Variants in PIK3CB observed in about 807,000 individuals in gnomAD.
PIK3CB encodes the protein phosphatidylinositol 4,5-bisphosphate 3-kinase catalytic subunit beta isoform.
PIK3CB carries 39 observed loss-of-function variants against 136.8 expected under a neutral mutation model. The observed-to-expected ratio is 0.29, with a 90% CI of 0.22 to 0.37. PIK3CB has a LOEUF of 0.37. PIK3CB is among the 10% of genes least tolerant of loss of function. The pLI, the probability that PIK3CB is intolerant of heterozygous loss-of-function variation, is 1.00. For missense variants in PIK3CB, 868 were observed against 1,275.4 expected, an observed-to-expected ratio of 0.68 and a Z score of 4.87; for synonymous variants, 428 against 436.6, an observed-to-expected ratio of 0.98 and a Z score of 0.25.
intron 1 of PIK3CB, among the ~76,000 whole-genome samples, chr3:138,810,956 G>A (rs1045481359): frequency 3.3e-5 from 5 of 151,816 alleles, no homozygotes; most frequent in Non-Finnish European, 5.9e-5. Flanking sequence ...GGCCGGGCGC[G>A]GTGGCTCACA....
At chr3:138,820,132 G>T (rs369573652) in intron 1 of PIK3CB, among the ~76,000 whole-genome samples, 1 of 152,306 alleles carries the variant, frequency 6.6e-6, no homozygotes. Flanking sequence ...TTGCAAGACT[G>T]TTGCACACTT....
intron 14 of PIK3CB, among the ~76,000 whole-genome samples, chr3:138,693,332 C>T (rs1182332990): frequency 1.3e-5 from 2 of 151,442 alleles, no homozygotes; most frequent in Non-Finnish European, 2.9e-5. Flanking sequence ...CTGGGCTCAT[C>T]GATCTGCCTG....
chr3:138,739,850 G>A (rs1018391444), intron 5 of PIK3CB, among the ~76,000 whole-genome samples: 5 of 149,446 alleles, frequency 3.3e-5, no homozygotes, highest in African/African-American at 7.4e-5. Flanking sequence ...GCAGTGAGCC[G>A]AGATCGTGCC....
intron 13 of PIK3CB, among the ~76,000 whole-genome samples, chr3:138,698,213 G>T (rs759547700): frequency 2.0e-5 from 3 of 152,096 alleles, no homozygotes; most frequent in Non-Finnish European, 4.4e-5. Flanking sequence ...GAGATTCATT[G>T]AACTGAAATA....
intron 5 of PIK3CB, 138 bp downstream of exon 5, chr3:138,742,420 A>C (rs999586503): frequency 2.4e-5 from 14 of 582,648 alleles, no homozygotes; most frequent in Admixed American, 6.4e-5. Context: ...TCCTAAATAC[A>C]TTTCTATCTG....
intron 1 of PIK3CB, among the ~76,000 whole-genome samples, chr3:138,820,907 A>G (rs1933531311): frequency 6.6e-6 from 1 of 152,206 alleles, no homozygotes; most frequent in African/African-American, 2.4e-5. Context: ...GAATTTTGCC[A>G]TTATAAACAA....
chr3:138,747,666 T>G (rs1444819953), intron 4 of PIK3CB, among the ~76,000 whole-genome samples: 1 of 152,224 alleles, frequency 6.6e-6, no homozygotes, highest in Non-Finnish European at 1.5e-5. Context: ...GTGTATTTTA[T>G]GGTAGTAAAT....
chr3:138,660,541 G>A (rs1165425757), intron 21 of PIK3CB, among the ~76,000 whole-genome samples: 1 of 152,118 alleles, frequency 6.6e-6, no homozygotes, highest in African/African-American at 2.4e-5. Context: ...ATCCAGTAGA[G>A]AGTAGAATGG....
In PIK3CB at chr3:138,665,223, C is replaced by T; in HGVS notation, c.2505-20G>A. On this transcript the variant is annotated intron_variant, in intron 19 of 23. Transcript: ENST00000674063. ...AACATCCTGGAAGGAAAAAAATGGG[C>T]ATAGAGTCATATTTTCCTTAAAATG... is the stretch of plus-strand genomic sequence containing the variant. The T allele has an allele frequency of 1.3e-6, 2 of 1,525,396 alleles. No homozygotes were observed. The highest frequency in any genetic ancestry group is 1.3e-5 in the South Asian group (1 of 75,870). The allele number at this position is 1,525,396 out of a possible 1,614,324, so 94.5% of individuals were successfully genotyped here.
chr3:138,784,057 T>A lies in PIK3CB; in HGVS notation c.-17+12406A>T, dbSNP rs562196941. On this transcript the variant is annotated intron_variant, in intron 2 of 23. Coordinates refer to ENST00000674063, the MANE Select transcript of PIK3CB (RefSeq NM_006219.3). ...GATTTAACCTCTTCCAAAGGGAGTTTAGCATCAAAAATTGCATTACTAGGT... is the reference window on the plus strand; with the variant it reads ...GATTTAACCTCTTCCAAAGGGAGTTAAGCATCAAAAATTGCATTACTAGGT... Among the ~76,000 whole-genome samples the A allele has an allele frequency of 7.9e-5, 12 of 152,310 alleles. No individual in the cohort carries two copies. In the South Asian group the frequency reaches 2.3e-3, roughly 29 times the overall value.
intron 8 of PIK3CB, among the ~76,000 whole-genome samples, chr3:138,726,953 A>C (rs2044852364): frequency 6.6e-6 from 1 of 152,012 alleles, no homozygotes; most frequent in African/African-American, 2.4e-5. Context: ...CAGGAGTCTG[A>C]GGCAGGAGGG....
In PIK3CB at chr3:138,803,122, G is replaced by A. The variant is rs370384533; in HGVS notation, c.-121-6555C>T. ...GGAACAAGGAAAGCAGATTCTAAAGGGCATCTTAAACTGTAAACAAACACC... is the reference window on the plus strand; with the variant it reads ...GGAACAAGGAAAGCAGATTCTAAAGAGCATCTTAAACTGTAAACAAACACC... On this transcript the variant is annotated intron_variant, in intron 1 of 23. Transcript: ENST00000674063. 2.0e-5 allele frequency among the ~76,000 whole-genome samples: 3 copies of A among 152,076 alleles called. 1 individual carries two copies. The highest frequency in any genetic ancestry group is 1.9e-4 in the East Asian group (1 of 5,188).
intron 3 of PIK3CB, 24 bp downstream of exon 3, chr3:138,759,149 T>A (rs765620961): frequency 6.7e-7 from 1 of 1,491,408 alleles, no homozygotes; most frequent in Non-Finnish European, 9.2e-7. Context: ...GCTAAACACA[T>A]AGAAATTATA....
intron 1 of PIK3CB, among the ~76,000 whole-genome samples, chr3:138,811,953 A>T (rs1488454669): frequency 6.6e-6 from 1 of 152,086 alleles, no homozygotes; most frequent in Non-Finnish European, 1.5e-5. Context: ...AGCTGGGTGT[A>T]GTGGCACATG....
chr3:138,765,571 AG>A (rs1330188711), intron 2 of PIK3CB, among the ~76,000 whole-genome samples: 4 of 151,618 alleles, frequency 2.6e-5, no homozygotes, highest in African/African-American at 9.7e-5. Context: ...AGCCAGGTAT[AG>A]TGGCTCATGC....
At chr3:138,786,747 CAT>C (rs200208257) in intron 2 of PIK3CB, among the ~76,000 whole-genome samples, 1,691 of 152,296 alleles carry the variant, frequency 0.011, 13 homozygotes, top group Non-Finnish European at 0.015. Flanking sequence ...TATTTAATAA[CAT>C]GTGACTATTT....
At chr3:138,677,528 A>T (rs1179468656) in intron 19 of PIK3CB, among the ~76,000 whole-genome samples, 2 of 152,264 alleles carry the variant, frequency 1.3e-5, no homozygotes, top group Non-Finnish European at 2.9e-5. Flanking sequence ...ATTAGTTAAA[A>T]TATAAGTGGT....
rs1246611005 is a variant in PIK3CB, at chr3:138,834,706, TCCG to T, written c.-136_-134del. The T allele has an allele frequency of 2.7e-4, 41 of 153,100 alleles. No individual in the cohort carries two copies. The highest frequency in any genetic ancestry group is 6.0e-4 in the South Asian group (3 of 5,026). 9.5% of individuals were successfully genotyped at this position (153,100 alleles called of 1,614,324 possible). On this transcript the variant is annotated 5_prime_UTR_variant, in exon 1 of 24. Coordinates refer to ENST00000674063, the MANE Select transcript of PIK3CB (RefSeq NM_006219.3). Reference sequence around the variant, plus strand: ...GCCGCCGCACTCACCTGCCTGGCGTTCCGCCGCCGCCGCCTGCTACTATTCCAA... The same window carrying T: ...GCCGCCGCACTCACCTGCCTGGCGTTCCGCCGCCGCCTGCTACTATTCCAA...
intron 1 of PIK3CB, among the ~76,000 whole-genome samples, chr3:138,803,915 T>A (rs1351334678): frequency 6.6e-6 from 1 of 152,156 alleles, no homozygotes; most frequent in Non-Finnish European, 1.5e-5. Flanking sequence ...TTGACCAGAA[T>A]CAATTCACTG....
Sources: gnomAD v4.1 joint callset for allele counts (sites outside exome capture counted in the v4.1 genomes callset) on GRCh38, gnomAD v4.1.1 for gene constraint, MANE v1.5 for transcripts, NCBI Gene and HGNC (gene_info 2026-07-23, HGNC 2026-07-21) for gene names.